The following IFFO1 variants were observed in gnomAD, a reference collection of about 807,000 sequenced individuals.
IFFO1 encodes non-homologous end joining factor IFFO1.
Under a neutral mutation model 59.6 loss-of-function variants are expected in IFFO1, and 42 were observed. The observed-to-expected ratio is 0.70, with a 90% CI of 0.55 to 0.91. The LOEUF is 0.91. Ranked by LOEUF, IFFO1 falls within the 40% of genes least tolerant of loss-of-function variation. The pLI is 0.00. For synonymous variants in IFFO1, 336 were observed against 342.8 expected (o/e 0.98, Z 0.22); for missense variants, 711 against 793.2 (o/e 0.90, Z 1.24).
intron 8 of IFFO1, 89 bp downstream of exon 8, chr12:6,547,976 T>A: frequency 1.1e-6 from 1 of 934,754 alleles, no homozygotes. Flanking sequence ...GTCTCTAGGG[T>A]CCTGCAGCAG....
intron 8 of IFFO1, among the ~76,000 whole-genome samples, chr12:6,545,669 G>C (rs1236713599): frequency 6.7e-6 from 1 of 149,694 alleles, no homozygotes; most frequent in Non-Finnish European, 1.5e-5. Context: ...CTGCACTCCA[G>C]CCTGGGTGAC....
chr12:6,544,721 T>TA (rs1565565850), intron 8 of IFFO1: 2 of 152,156 alleles, frequency 1.3e-5, no homozygotes, highest in Admixed American at 1.3e-4. Context: ...TGAGCCGCGG[T>TA]AGACGGGAGG....
In IFFO1 at chr12:6,541,758, G is replaced by A. The variant is rs1275399632; in HGVS notation, c.1480-116C>T. ...AGTGGCTGGGCCGGGGGCCCAGGCAGCCATTACTGAAGGCTCAGATTTTAA... is the reference window on the plus strand; with the variant it reads ...AGTGGCTGGGCCGGGGGCCCAGGCAACCATTACTGAAGGCTCAGATTTTAA... On this transcript the variant is annotated intron_variant, in intron 8 of 9. Coordinates refer to ENST00000619571, the MANE Select transcript of IFFO1 (RefSeq NM_001193457.2). The surrounding 1 kb of genome is among the most constrained non-coding windows in gnomAD (Gnocchi z 4.8). 5 of 1,269,322 alleles carry A rather than the reference G, an allele frequency of 3.9e-6. No individual in the cohort carries two copies. Among genetic ancestry groups the A allele is most frequent in the South Asian group, 2.6e-5 (2 of 77,618 alleles). 78.6% of individuals were successfully genotyped at this position (1,269,322 alleles called of 1,614,324 possible). A position where few individuals can be genotyped will look rare whatever the true frequency, so the allele number is the denominator to read the frequency against.
chr12:6,551,649 G>A (rs140653439), intron 1 of IFFO1: 18 of 432,788 alleles, frequency 4.2e-5, no homozygotes, highest in Non-Finnish European at 5.5e-5. Flanking sequence ...CTCAGAGGCC[G>A]GAAGTCCCAC....
chr12:6,552,778 A>G (rs1223579213), intron 1 of IFFO1, among the ~76,000 whole-genome samples: 3 of 152,178 alleles, frequency 2.0e-5, no homozygotes, highest in Admixed American at 6.5e-5. Context: ...CTACAAATGA[A>G]TCATCTGGAA....
At chr12:6,551,331 C>T (rs970096753) in intron 1 of IFFO1, 14 of 948,470 alleles carry the variant, frequency 1.5e-5, no homozygotes, top group East Asian at 5.0e-5. Context: ...GCCAGCTGTC[C>T]GGCTGGCCTC....
rs111238181 is a variant in IFFO1 at position 6,550,101 on chromosome 12, G to A, written c.931-205C>T. On this transcript the variant is annotated intron_variant, in intron 3 of 9. Transcript: ENST00000619571. ...GAATATGCTGGGCATGGGGCGGCTC[G>A]GGCCACTGCTCCCTGGCCAAACGGA... 1.1e-4 allele frequency: 60 copies of A among 531,112 alleles called. No homozygotes were observed. In the East Asian group the frequency reaches 1.4e-3, roughly 13 times the overall value. 32.9% of individuals were successfully genotyped at this position (531,112 alleles called of 1,614,324 possible). A position where few individuals can be genotyped will look rare whatever the true frequency, so the allele number is the denominator to read the frequency against.
chr12:6,549,072 G>A lies in IFFO1; in HGVS notation c.1081-223C>T, dbSNP rs1187770151. On this transcript the variant is annotated intron_variant, in intron 5 of 9. Transcript: ENST00000619571. This position sits in a 1 kb window ranked among gnomAD's most constrained non-coding sequence, Gnocchi z 5.0. Reference sequence around the variant, plus strand: ...CGAGAAGGCAGAACAAGAAGAAATCGAGAAGAAGAGCAGTCAGACAAGGAA... The same window carrying A: ...CGAGAAGGCAGAACAAGAAGAAATCAAGAAGAAGAGCAGTCAGACAAGGAA... 8.6e-6 allele frequency: 5 copies of A among 582,344 alleles called. No individual in the cohort carries two copies. Among genetic ancestry groups the A allele is most frequent in the African/African-American group, 5.6e-5 (3 of 53,380 alleles). The allele number at this position is 582,344 out of a possible 1,614,324, so 36.1% of individuals were successfully genotyped here.
rs1294835515 is a variant in IFFO1, at chr12:6,555,063, T to G, written c.773+194A>C. Among the ~76,000 whole-genome samples, 2 of 152,250 alleles carry G rather than the reference T, an allele frequency of 1.3e-5. No individual in the cohort carries two copies. The highest frequency in any genetic ancestry group is 2.9e-5 in the Non-Finnish European group (2 of 68,044). On this transcript the variant is annotated intron_variant, in intron 1 of 9. Transcript: ENST00000619571. This position sits in a 1 kb window ranked among gnomAD's most constrained non-coding sequence, Gnocchi z 8.6. ...GTTCCGCTCCCAGCGTCCTTCTTCC[T>G]GTCACGAGCAGGGCTTCTGCATTCT...
rs763226796 is a variant in IFFO1 at position 6,550,979 on chromosome 12, G to A, written c.796C>T (p.Arg266Trp). The change falls in exon 2 of 10, where the codon CGG becomes TGG. Residue 266 changes from arginine to tryptophan, a missense_variant. By Grantham distance (101) the Arg-to-Trp change is moderately radical. This residue lies in a region of IFFO1 where 579 missense variants were observed against 650.3 expected (regional missense o/e 0.89). Transcript: ENST00000619571. ...TTTACACGGTCTTGCAGCTGGATCC[G>A]CACCGTGTACTCCTCTTCCCACCTG... Reference protein sequence around the residue: ...KRRWEEEYTVRIQLQDRVNEL... With the variant: ...KRRWEEEYTVWIQLQDRVNEL... 95 of 1,613,996 alleles carry A rather than the reference G, an allele frequency of 5.9e-5. No individual in the cohort carries two copies. The highest frequency in any genetic ancestry group is 7.8e-5 in the Non-Finnish European group (92 of 1,180,000).
rs1020118671 is a variant in IFFO1, at chr12:6,549,655, C to G, written c.1071+101G>C. The G allele has an allele frequency of 4.7e-6, 7 of 1,504,934 alleles. No homozygotes were observed. The Admixed American group carries it at 1.3e-4, about 28-fold the overall frequency. The allele number at this position is 1,504,934 out of a possible 1,614,324, so 93.2% of individuals were successfully genotyped here. Reference sequence around the variant, plus strand: ...TGAGGGCCCCAGTTGCCAGGTAAGGCTCCCCAAGCAGGAGGCAGGGCCTGC... The same window carrying G: ...TGAGGGCCCCAGTTGCCAGGTAAGGGTCCCCAAGCAGGAGGCAGGGCCTGC... On this transcript the variant is annotated intron_variant, in intron 4 of 9. Coordinates refer to ENST00000619571, the MANE Select transcript of IFFO1 (RefSeq NM_001193457.2). This position sits in a 1 kb window ranked among gnomAD's most constrained non-coding sequence, Gnocchi z 5.0.
intron 8 of IFFO1, among the ~76,000 whole-genome samples, chr12:6,545,417 CG>C (rs1465475595): frequency 6.6e-6 from 1 of 152,000 alleles, no homozygotes; most frequent in East Asian, 1.9e-4. Flanking sequence ...CTCTCTCTGC[CG>C]GGCGCGGTGG....
Position 6,549,380 on chromosome 12 carries a change from C to G in IFFO1, c.1080+96G>C. On this transcript the variant is annotated intron_variant, in intron 5 of 9. Coordinates refer to ENST00000619571, the MANE Select transcript of IFFO1 (RefSeq NM_001193457.2). The surrounding 1 kb of genome is among the most constrained non-coding windows in gnomAD (Gnocchi z 5.0). Reference sequence around the variant, plus strand: ...GAAAGGGCAGAAAAAAATCCGTGCTCAAGAGCCCAGCGGGCCCAAACTGAG... The same window carrying G: ...GAAAGGGCAGAAAAAAATCCGTGCTGAAGAGCCCAGCGGGCCCAAACTGAG... The G allele has an allele frequency of 7.8e-7, 1 of 1,283,922 alleles. No homozygotes were observed. Among genetic ancestry groups the G allele is most frequent in the Non-Finnish European group, 1.1e-6 (1 of 892,526 alleles). The allele number at this position is 1,283,922 out of a possible 1,614,324, so 79.5% of individuals were successfully genotyped here.
At position 6,541,707 on chromosome 12, in the gene IFFO1, C is replaced by T. The variant is rs981253571; in HGVS notation, c.1480-65G>A. ...GCGTTCACAGCGCCTCTGTTGCCCCCGCCAGGAGGCCAACACGCCAAGAGC... is the reference window on the plus strand; with the variant it reads ...GCGTTCACAGCGCCTCTGTTGCCCCTGCCAGGAGGCCAACACGCCAAGAGC... On this transcript the variant is annotated intron_variant, in intron 8 of 9. Coordinates refer to ENST00000619571, the MANE Select transcript of IFFO1 (RefSeq NM_001193457.2). This position sits in a 1 kb window ranked among gnomAD's most constrained non-coding sequence, Gnocchi z 4.8. 6.1e-5 allele frequency: 97 copies of T among 1,600,028 alleles called. No individual in the cohort carries two copies. Among genetic ancestry groups the T allele is most frequent in the Middle Eastern group, 1.7e-4 (1 of 6,016 alleles).
chr12:6,548,679 C>T lies in IFFO1; in HGVS notation c.1251G>A (p.Met417Ile). The change falls in exon 6 of 10, where the codon ATG (methionine) becomes ATA (isoleucine). Residue 417 changes from methionine to isoleucine, a missense_variant. Physicochemically the swap from Met to Ile is conservative, Grantham distance 10. Transcript: ENST00000619571. The surrounding 1 kb of genome is among the most constrained non-coding windows in gnomAD (Gnocchi z 6.1). ...GCCTGCGGACTCACAGCTGGTTGAG[C>T]ATGCGCTGCATCTCCTCGTTGATGC... ...ALSINEEMQR[M>I]LNQLREYDFE... 6.2e-7 allele frequency: 1 copy of T among 1,614,130 alleles called. No individual in the cohort carries two copies. The highest frequency in any genetic ancestry group is 8.5e-7 in the Non-Finnish European group (1 of 1,180,020).
Position 6,549,647 on chromosome 12 carries a change from A to G in IFFO1, c.1071+109T>C. 1 of 1,476,758 alleles carries G rather than the reference A, an allele frequency of 6.8e-7. No individual in the cohort carries two copies. The highest frequency in any genetic ancestry group is 9.3e-7 in the Non-Finnish European group (1 of 1,077,092). The allele number at this position is 1,476,758 out of a possible 1,614,324, so 91.5% of individuals were successfully genotyped here. On this transcript the variant is annotated intron_variant, in intron 4 of 9. Coordinates refer to ENST00000619571, the MANE Select transcript of IFFO1 (RefSeq NM_001193457.2). This position sits in a 1 kb window ranked among gnomAD's most constrained non-coding sequence, Gnocchi z 5.0. ...TAGCCCCGTGAGGGCCCCAGTTGCC[A>G]GGTAAGGCTCCCCAAGCAGGAGGCA...
chr12:6,543,142 C>A (rs1220729722), intron 8 of IFFO1, among the ~76,000 whole-genome samples: 1 of 152,160 alleles, frequency 6.6e-6, no homozygotes, highest in African/African-American at 2.4e-5. Flanking sequence ...CTCCCGCCCA[C>A]CACTCTGGGC....
chr12:6,543,253 G>A (rs1268965375), intron 8 of IFFO1, among the ~76,000 whole-genome samples: 1 of 152,112 alleles, frequency 6.6e-6, no homozygotes, highest in Non-Finnish European at 1.5e-5. Context: ...CCTCCTAACG[G>A]TTCCCCTAAT....
At chr12:6,545,450 C>T (rs1946909640) in intron 8 of IFFO1, among the ~76,000 whole-genome samples, 1 of 152,114 alleles carries the variant, frequency 6.6e-6, no homozygotes, top group Admixed American at 6.5e-5. Flanking sequence ...AATCCCAGCA[C>T]TTTGGGAGGC....
Sources: gnomAD v4.1 joint callset for allele counts (sites outside exome capture counted in the v4.1 genomes callset) on GRCh38, gnomAD v4.1.1 for gene constraint, gnomAD v4.1.1 regional missense constraint, Gnocchi (gnomAD v3.1) non-coding constraint, MANE v1.5 for transcripts, NCBI Gene and HGNC (gene_info 2026-07-23, HGNC 2026-07-21) for gene names.